The following KCNH5 variants were observed in gnomAD, a reference collection of about 807,000 sequenced individuals.
The protein encoded by KCNH5 is voltage-gated delayed rectifier potassium channel KCNH5.
Under a neutral mutation model 96.1 loss-of-function variants are expected in KCNH5, and 46 were observed. That is an observed-to-expected ratio of 0.48 (90% CI 0.38 to 0.61). The LOEUF (loss-of-function observed/expected upper bound fraction) is 0.61. Ranked by LOEUF, KCNH5 falls within the 20% of genes least tolerant of loss-of-function variation. KCNH5 has a pLI of 0.00. For synonymous variants in KCNH5, 439 were observed against 449.8 expected (o/e 0.98, Z 0.30); for missense variants, 907 against 1,225.8 (o/e 0.74, Z 3.88).
chr14:62,903,449 T>C (rs1888968188), intron 7 of KCNH5, among the ~76,000 whole-genome samples: 1 of 152,124 alleles, frequency 6.6e-6, no homozygotes, highest in Non-Finnish European at 1.5e-5. Flanking sequence ...ATTCTCAAAT[T>C]GGAAAAAAAT....
chr14:62,825,226 C>T (rs1428532484), intron 8 of KCNH5, among the ~76,000 whole-genome samples: 1 of 152,092 alleles, frequency 6.6e-6, no homozygotes, highest in Non-Finnish European at 1.5e-5. Context: ...TTCCCACCAA[C>T]AGTATGGAAA....
intron 7 of KCNH5, among the ~76,000 whole-genome samples, chr14:62,856,649 A>G (rs1421868788): frequency 6.6e-6 from 1 of 152,110 alleles, no homozygotes; most frequent in Non-Finnish European, 1.5e-5. Context: ...ATCTTCAGAA[A>G]CTTCCAGTTT....
chr14:62,720,042 TATAAGGAC>T (rs1402311898), intron 10 of KCNH5, among the ~76,000 whole-genome samples: 1 of 152,056 alleles, frequency 6.6e-6, no homozygotes, highest in Non-Finnish European at 1.5e-5. Context: ...AAAAATAAAG[TATAAGGAC>T]ATAGGGAATG....
At chr14:62,749,724 T>A (rs2139943549) in intron 10 of KCNH5, among the ~76,000 whole-genome samples, 1 of 152,362 alleles carries the variant, frequency 6.6e-6, no homozygotes, top group Middle Eastern at 3.4e-3. Context: ...GAACCCTTAA[T>A]AAGGCTACAG....
At chr14:62,834,457 T>C (rs1453106710) in intron 8 of KCNH5, among the ~76,000 whole-genome samples, 2 of 152,030 alleles carry the variant, frequency 1.3e-5, no homozygotes, top group African/African-American at 2.4e-5. Flanking sequence ...GGACTATTTA[T>C]TGTACTAGAG....
At chr14:63,022,088 A>T (rs1158873222) in intron 1 of KCNH5, among the ~76,000 whole-genome samples, 1 of 152,132 alleles carries the variant, frequency 6.6e-6, no homozygotes, top group South Asian at 2.1e-4. Flanking sequence ...TAGCTATCTT[A>T]AATGTGCTTC....
intron 7 of KCNH5, among the ~76,000 whole-genome samples, chr14:62,943,739 C>A (rs962254824): frequency 6.6e-6 from 1 of 152,000 alleles, no homozygotes; most frequent in African/African-American, 2.4e-5. Context: ...ATGTGGCTAC[C>A]CTGGGGAGTA....
intron 7 of KCNH5, among the ~76,000 whole-genome samples, chr14:62,871,463 T>C (rs1888252934): frequency 6.6e-6 from 1 of 152,182 alleles, no homozygotes; most frequent in African/African-American, 2.4e-5. Flanking sequence ...GACAGTTCAA[T>C]TACTTCTCCA....
At chr14:63,031,566 T>A (rs1200854347) in intron 1 of KCNH5, among the ~76,000 whole-genome samples, 5 of 151,968 alleles carry the variant, frequency 3.3e-5, no homozygotes, top group African/African-American at 1.2e-4. Flanking sequence ...GATCCAGAAA[T>A]CTCATGTACA....
chr14:62,951,513 C>T (rs980727540), intron 6 of KCNH5, among the ~76,000 whole-genome samples: 1 of 152,190 alleles, frequency 6.6e-6, no homozygotes, highest in Admixed American at 6.5e-5. Flanking sequence ...GACTTCCTTA[C>T]TGCTAACCCT....
chr14:62,715,005 C>G (rs755702793), intron 10 of KCNH5, among the ~76,000 whole-genome samples: 1 of 152,084 alleles, frequency 6.6e-6, no homozygotes, highest in South Asian at 2.1e-4. Context: ...TTCATTTAAG[C>G]TTTTTTTCCT....
At chr14:63,034,001 T>C (rs1474289606) in intron 1 of KCNH5, among the ~76,000 whole-genome samples, 1 of 152,084 alleles carries the variant, frequency 6.6e-6, no homozygotes, top group East Asian at 1.9e-4. Context: ...TTCACTGCAA[T>C]CTCCACCTTC....
intron 10 of KCNH5, among the ~76,000 whole-genome samples, chr14:62,711,561 T>C (rs1224315068): frequency 6.6e-6 from 1 of 152,220 alleles, no homozygotes; most frequent in African/African-American, 2.4e-5. Context: ...AGGGTACTTA[T>C]GACCAACAAG....
intron 10 of KCNH5, among the ~76,000 whole-genome samples, chr14:62,727,720 T>G (rs933983306): frequency 6.7e-6 from 1 of 149,446 alleles, no homozygotes; most frequent in African/African-American, 2.5e-5. Flanking sequence ...CATGCAGGGC[T>G]GTGGGTGCTG....
intron 7 of KCNH5, among the ~76,000 whole-genome samples, chr14:62,861,444 G>C (rs113270723): frequency 0.061 from 9,201 of 151,728 alleles, 832 homozygotes; most frequent in African/African-American, 0.19. Flanking sequence ...TCATTTTTTT[G>C]TACAGACAGG....
chr14:62,997,266 G>C (rs559663872), intron 4 of KCNH5, among the ~76,000 whole-genome samples: 2 of 152,258 alleles, frequency 1.3e-5, no homozygotes, highest in South Asian at 4.1e-4. Context: ...GGTTACAAGA[G>C]GCTGGGAAGG....
At chr14:62,793,350 G>A (rs1279588302) in intron 9 of KCNH5, among the ~76,000 whole-genome samples, 1 of 151,778 alleles carries the variant, frequency 6.6e-6, no homozygotes, top group African/African-American at 2.4e-5. Context: ...GTTTTAGGAT[G>A]TGTCTATTAC....
intron 8 of KCNH5, among the ~76,000 whole-genome samples, chr14:62,824,778 G>A (rs966481947): frequency 6.6e-5 from 10 of 151,838 alleles, no homozygotes; most frequent in African/African-American, 2.4e-4. Context: ...CTCCCTCCCT[G>A]TCTCCTCTAG....
intron 10 of KCNH5, among the ~76,000 whole-genome samples, chr14:62,718,961 C>T (rs1369218806): frequency 6.6e-6 from 1 of 152,086 alleles, no homozygotes; most frequent in African/African-American, 2.4e-5. Context: ...CTAAAGGGGC[C>T]ACATCTTAAA....
Sources: gnomAD v4.1 joint callset for allele counts (sites outside exome capture counted in the v4.1 genomes callset) on GRCh38, gnomAD v4.1.1 for gene constraint, MANE v1.5 for transcripts, NCBI Gene and HGNC (gene_info 2026-07-23, HGNC 2026-07-21) for gene names.